The following TRAF6 variants were observed in gnomAD, a reference collection of about 807,000 sequenced individuals.
TRAF6 encodes TNF receptor-associated factor 6.
A neutral mutation model predicts 48.4 loss-of-function variants in TRAF6; 10 were observed. The ratio of observed to expected loss-of-function variants is 0.21; its 90% CI spans 0.13 to 0.35. TRAF6 has a LOEUF of 0.35. Ranked by LOEUF, TRAF6 falls within the 10% of genes least tolerant of loss-of-function variation. TRAF6 has a pLI of 1.00. For synonymous variants in TRAF6, 186 were observed against 219.6 expected (o/e 0.85, Z 1.35); for missense variants, 397 against 661.0 (o/e 0.60, Z 4.38).
chr11:36,498,730 T>TATATA, intron 2 of TRAF6, 90 bp from the exon 3 acceptor site: 1 of 1,346,524 alleles, frequency 7.4e-7, no homozygotes, highest in Non-Finnish European at 1.0e-6. Flanking sequence ...AATTCTCCAT[T>TATATA]TACTGTTTCA....
rs1859508245 is a variant in TRAF6, at chr11:36,487,953, A to G, written c.*1885T>C. 1 of 152,236 alleles carries G rather than the reference A, an allele frequency of 6.6e-6. No homozygotes were observed. Among genetic ancestry groups the G allele is most frequent in the Admixed American group, 6.5e-5 (1 of 15,282 alleles). 9.4% of individuals were successfully genotyped at this position (152,236 alleles called of 1,614,324 possible). A position where few individuals can be genotyped will look rare whatever the true frequency, so the allele number is the denominator to read the frequency against. ...TTATTGTAGAAAATGTAAAAAATAT[A>G]AGCAAGCGCAAAGGAAAATAAGCCA... On this transcript the variant is annotated 3_prime_UTR_variant, in exon 7 of 7. Transcript: ENST00000526995.
chr11:36,496,785 C>T (rs1355162729), intron 4 of TRAF6, among the ~76,000 whole-genome samples: 1 of 119,470 alleles, frequency 8.4e-6, no homozygotes, highest in African/African-American at 3.2e-5. Flanking sequence ...TGTTTGTCTC[C>T]AATCCAAAAT....
chr11:36,485,031 A>T lies in TRAF6; in HGVS notation c.*4807T>A, dbSNP rs1016403415. Among the ~76,000 whole-genome samples, 3 of 151,442 alleles carry T rather than the reference A, an allele frequency of 2.0e-5. No homozygotes were observed. The highest frequency in any genetic ancestry group is 4.4e-5 in the Non-Finnish European group (3 of 68,018). On this transcript the variant is annotated 3_prime_UTR_variant, in exon 7 of 7. Transcript: ENST00000526995. ...ACAAATTGATTAAAGTTGTTCAGTTATTTTAGAATATTTTGTTTAGAGAAA... is the reference window on the plus strand; with the variant it reads ...ACAAATTGATTAAAGTTGTTCAGTTTTTTTAGAATATTTTGTTTAGAGAAA...
chr11:36,492,581 G>A lies in TRAF6; in HGVS notation c.726C>T (p.Cys242=). ...DLDCPTAPIP[C]TFSTFGCHEK... is the part of the protein sequence containing the mutation. The stretch of plus-strand genomic sequence containing the variant: ...CATGGCAACCAAAAGTACTGAATGT[G>A]CATGGAATTGGGGCTGTAGGGCAGT... The change falls in exon 6 of 7, where the codon TGC becomes TGT. Residue 242 remains cysteine (C), a synonymous_variant. Transcript: ENST00000526995. 1.2e-6 allele frequency: 2 copies of A among 1,611,586 alleles called. No homozygotes were observed. The highest frequency in any genetic ancestry group is 2.2e-5 in the South Asian group (2 of 90,118).
chr11:36,497,091 T>A lies in TRAF6; in HGVS notation c.606+17A>T. ...TTTAAGAAGTAGTGAATTTAACAAATCCAAGTTAGTACATGCCTCTTTATC... is the reference window on the plus strand; with the variant it reads ...TTTAAGAAGTAGTGAATTTAACAAAACCAAGTTAGTACATGCCTCTTTATC... On this transcript the variant is annotated intron_variant, in intron 4 of 6. Coordinates refer to ENST00000526995, the MANE Select transcript of TRAF6 (RefSeq NM_004620.4). 2 of 1,609,722 alleles carry A rather than the reference T, an allele frequency of 1.2e-6. No individual in the cohort carries two copies. The highest frequency in any genetic ancestry group is 1.7e-6 in the Non-Finnish European group (2 of 1,178,798).
Position 36,487,426 on chromosome 11 carries a change from T to C in TRAF6, c.*2412A>G, listed in dbSNP as rs1859500986. ...AGATGAATGACCAGCATAAAATAAC[T>C]GGCTGGTTTATGACAAAATGCCAAA... On this transcript the variant is annotated 3_prime_UTR_variant, in exon 7 of 7. Transcript: ENST00000526995. 1 of 152,232 alleles carries C rather than the reference T, an allele frequency of 6.6e-6. No individual in the cohort carries two copies. The highest frequency in any genetic ancestry group is 1.5e-5 in the Non-Finnish European group (1 of 68,030). 9.4% of individuals were successfully genotyped at this position (152,232 alleles called of 1,614,324 possible).
intron 3 of TRAF6, 109 bp downstream of exon 3, chr11:36,498,381 A>G (rs1859668870): frequency 1.1e-6 from 1 of 935,196 alleles, no homozygotes. Context: ...TTATTAACCA[A>G]TCATCATATG....
chr11:36,505,391 T>C (rs939216513), intron 1 of TRAF6, among the ~76,000 whole-genome samples: 1 of 152,252 alleles, frequency 6.6e-6, no homozygotes, highest in Non-Finnish European at 1.5e-5. Flanking sequence ...GATGCGTTTC[T>C]TTCCTTAAAC....
chr11:36,505,602 T>C (rs940358651), intron 1 of TRAF6, among the ~76,000 whole-genome samples: 1 of 152,230 alleles, frequency 6.6e-6, no homozygotes. Context: ...ACTTTCTTAT[T>C]AGTGAGTTCA....
chr11:36,506,066 G>A (rs1227015368), intron 1 of TRAF6, among the ~76,000 whole-genome samples: 3 of 151,892 alleles, frequency 2.0e-5, no homozygotes, highest in Non-Finnish European at 4.4e-5. Context: ...TACAAAGTGA[G>A]CACACGCTGT....
At chr11:36,499,414 GA>G (rs398055161) in intron 2 of TRAF6, among the ~76,000 whole-genome samples, 107 of 146,518 alleles carry the variant, frequency 7.3e-4, no homozygotes, top group African/African-American at 2.2e-3. Context: ...CAGGGAGACA[GA>G]AAAAAAAAAG....
At chr11:36,491,683 T>C (rs542179971) in intron 6 of TRAF6, among the ~76,000 whole-genome samples, 1 of 152,206 alleles carries the variant, frequency 6.6e-6, no homozygotes, top group East Asian at 1.9e-4. Flanking sequence ...GGTTCATCTG[T>C]TTCTTATACT....
Position 36,492,130 on chromosome 11 carries a change from G to A in TRAF6, c.756+421C>T, listed in dbSNP as rs1427968326. On this transcript the variant is annotated intron_variant, in intron 6 of 6. Coordinates refer to ENST00000526995, the MANE Select transcript of TRAF6 (RefSeq NM_004620.4). ...TCCTAGGTCTATCTTGACGGTCATC[G>A]CCATAATTCAAGCTGTCTTCACTTA... Among the ~76,000 whole-genome samples, 6 of 152,086 alleles carry A rather than the reference G, an allele frequency of 3.9e-5. 1 individual carries two copies. Among genetic ancestry groups the A allele is most frequent in the South Asian group, 4.1e-4 (2 of 4,826 alleles).
chr11:36,507,160 GTAT>G, intron 1 of TRAF6, among the ~76,000 whole-genome samples: 1 of 129,232 alleles, frequency 7.7e-6, no homozygotes, highest in South Asian at 2.6e-4. Context: ...ATATATACAT[GTAT>G]TATACATACA....
intron 5 of TRAF6, among the ~76,000 whole-genome samples, chr11:36,492,983 C>T (rs960935094): frequency 3.3e-5 from 5 of 152,158 alleles, no homozygotes; most frequent in African/African-American, 1.2e-4. Context: ...TGGTCTAGGC[C>T]ATTTAATAGG....
In TRAF6 at chr11:36,501,283, C is replaced by T. The variant is rs1859711944; in HGVS notation, c.233G>A (p.Arg78Gln). Reference protein sequence around the residue: ...YECPICLMALREAVQTPCGHR... With the variant: ...YECPICLMALQEAVQTPCGHR... ...GCCGCATGGCGTTTGCACTGCTTCT[C>T]GTAATGCCATCAAGCAGATGGGGCA... Residue 78 changes from arginine (R) to glutamine (Q), a missense_variant, in exon 2 of 7, where the codon CGA (arginine) becomes CAA (glutamine). Physicochemically the swap from Arg to Gln is conservative, Grantham distance 43. This residue lies in a region of TRAF6 where 5 missense variants were observed against 25.7 expected (regional missense o/e 0.19). Transcript: ENST00000526995. 5 of 1,613,518 alleles carry T rather than the reference C, an allele frequency of 3.1e-6. No homozygotes were observed. The highest frequency in any genetic ancestry group is 1.7e-5 in the Admixed American group (1 of 59,994).
rs1362601114 is a variant in TRAF6, at chr11:36,483,773, A to T, written c.*6065T>A. 6.6e-6 allele frequency among the ~76,000 whole-genome samples: 1 copy of T among 152,080 alleles called. No individual in the cohort carries two copies. Among genetic ancestry groups the T allele is most frequent in the African/African-American group, 2.4e-5 (1 of 41,398 alleles). ...AAAACCACTTGGACTATCATATTTT[A>T]ATATATATATTTCATTTTAATGAAG... On this transcript the variant is annotated 3_prime_UTR_variant, in exon 7 of 7. Coordinates refer to ENST00000526995, the MANE Select transcript of TRAF6 (RefSeq NM_004620.4).
intron 3 of TRAF6, 47 bp from the exon 4 acceptor site, chr11:36,497,313 T>G: frequency 6.4e-7 from 1 of 1,557,532 alleles, no homozygotes; most frequent in Non-Finnish European, 8.7e-7. Context: ...CTCTGAAGTC[T>G]TCTACATATA....
rs1859533501 is a variant in TRAF6 at position 36,489,625 on chromosome 11, C to T, written c.*213G>A. On this transcript the variant is annotated 3_prime_UTR_variant, in exon 7 of 7. Coordinates refer to ENST00000526995, the MANE Select transcript of TRAF6 (RefSeq NM_004620.4). ...CATGCCACAGGCACTTCAGGCCTAA[C>T]ATTTCTGAAAAAGCATGGAACGTGT... 1 of 596,148 alleles carries T rather than the reference C, an allele frequency of 1.7e-6. No homozygotes were observed. Among genetic ancestry groups the T allele is most frequent in the Admixed American group, 3.2e-5 (1 of 31,592 alleles). The allele number at this position is 596,148 out of a possible 1,614,324, so 36.9% of individuals were successfully genotyped here.
Sources: gnomAD v4.1 joint callset for allele counts (sites outside exome capture counted in the v4.1 genomes callset) on GRCh38, gnomAD v4.1.1 for gene constraint, gnomAD v4.1.1 regional missense constraint, MANE v1.5 for transcripts, NCBI Gene and HGNC (gene_info 2026-07-23, HGNC 2026-07-21) for gene names.